SLC30A7: variants seen among roughly 807,000 people sequenced by gnomAD.
SLC30A7 encodes the protein zinc transporter 7.
SLC30A7 carries 35 observed loss-of-function variants against 46.0 expected under a neutral mutation model. That is an observed-to-expected ratio of 0.76 (90% CI 0.58 to 1.01). The LOEUF (loss-of-function observed/expected upper bound fraction) is 1.01. Among genes scored for constraint, SLC30A7 ranks in the 50% least tolerant of loss-of-function variants. The probability of loss-of-function intolerance (pLI) is 0.00; values close to 1 mark genes in which losing one functional copy is unlikely to be tolerated. For missense variants in SLC30A7, 464 were observed against 451.1 expected, an observed-to-expected ratio of 1.03 and a Z score of -0.26; for synonymous variants, 147 against 157.8, an observed-to-expected ratio of 0.93 and a Z score of 0.51.
intron 8 of SLC30A7, among the ~76,000 whole-genome samples, chr1:100,924,255 C>G (rs1488952686): frequency 5.3e-5 from 8 of 152,192 alleles, no homozygotes; most frequent in Non-Finnish European, 1.0e-4. Flanking sequence ...TTTGGTCTCT[C>G]TCAGTACTTC....
rs373570424 is a variant in SLC30A7 at position 100,896,333 on chromosome 1, G to A, written c.71G>A (p.Gly24Asp). 3.0e-5 allele frequency: 48 copies of A among 1,614,052 alleles called. No homozygotes were observed. In the South Asian group the frequency reaches 4.1e-4, roughly 14 times the overall value. ...TTCAATTTGTTCGGCAAGATCTCGG[G>A]CTGGTTTAGGTGCGGGGTGCTGTGT... is the stretch of plus-strand genomic sequence containing the variant. Reference protein sequence around the residue: ...PKFNLFGKISGWFRSILSDKT... With the variant: ...PKFNLFGKISDWFRSILSDKT... The change falls in exon 1 of 11, where the codon GGC becomes GAC. Residue 24 changes from glycine (G) to aspartate (D), a missense_variant. Coordinates refer to ENST00000357650, the MANE Select transcript of SLC30A7 (RefSeq NM_133496.5).
At chr1:100,965,946 AG>A in intron 10 of SLC30A7, 28 bp downstream of exon 10, 13 of 1,581,000 alleles carry the variant, frequency 8.2e-6, no homozygotes, top group Non-Finnish European at 1.0e-5. Context: ...ACTTCTTTTA[AG>A]GGCCTTAACA....
chr1:100,993,815 C>T, the SLC30A7 span, among the ~76,000 whole-genome samples: 1 of 151,316 alleles, frequency 6.6e-6, no homozygotes, highest in Admixed American at 6.6e-5. Flanking sequence ...GATATTGGTT[C>T]ACTGCAACCT....
chr1:100,925,903 T>TATTC (rs892720955), intron 8 of SLC30A7, among the ~76,000 whole-genome samples: 34 of 152,288 alleles, frequency 2.2e-4, no homozygotes, highest in African/African-American at 7.7e-4. Flanking sequence ...GAGTGGTTGG[T>TATTC]ATTCATCTGG....
chr1:100,993,566 A>ATATATATATATATATATATATATG, the SLC30A7 span, among the ~76,000 whole-genome samples: 1 of 71,232 alleles, frequency 1.4e-5, no homozygotes, highest in Admixed American at 1.3e-4. Flanking sequence ...ATAAATATAT[A>ATATATATATATATATATATATATG]TATATATATA....
chr1:100,941,930 A>G (rs899798279), intron 8 of SLC30A7: 7 of 293,208 alleles, frequency 2.4e-5, no homozygotes, highest in Non-Finnish European at 4.6e-5. Flanking sequence ...TTCAAAGCCA[A>G]CCCTCCAATG....
chr1:100,956,905 T>G (rs891685582), intron 8 of SLC30A7, among the ~76,000 whole-genome samples: 3 of 152,246 alleles, frequency 2.0e-5, no homozygotes, highest in African/African-American at 7.2e-5. Context: ...ATATGTGCCT[T>G]CTTCTAAATG....
At chr1:100,900,099 C>G (rs1051531335) in intron 2 of SLC30A7, among the ~76,000 whole-genome samples, 3 of 152,164 alleles carry the variant, frequency 2.0e-5, no homozygotes, top group Admixed American at 6.5e-5. Context: ...AAGTGAGCAG[C>G]AGAGCCTACA....
intron 8 of SLC30A7, among the ~76,000 whole-genome samples, chr1:100,935,493 A>G (rs1653913095): frequency 6.6e-6 from 1 of 152,236 alleles, no homozygotes; most frequent in Non-Finnish European, 1.5e-5. Flanking sequence ...GAATGGAGCT[A>G]TAGTGATAGA....
intron 2 of SLC30A7, among the ~76,000 whole-genome samples, chr1:100,905,114 A>G (rs1402585629): frequency 1.3e-5 from 2 of 152,002 alleles, no homozygotes; most frequent in Non-Finnish European, 2.9e-5. Context: ...CATGTATCTG[A>G]TAAGAACCTT....
intron 8 of SLC30A7, among the ~76,000 whole-genome samples, chr1:100,936,336 C>T (rs1186717253): frequency 2.0e-5 from 3 of 152,128 alleles, no homozygotes; most frequent in African/African-American, 7.2e-5. Flanking sequence ...TTCTAAACAT[C>T]TTTCAGAAAG....
chr1:100,995,062 G>C, the SLC30A7 span: 2 of 1,344,350 alleles, frequency 1.5e-6, no homozygotes, highest in African/African-American at 1.4e-5. Context: ...GTATTGAATT[G>C]TTCAAGGAAA....
At chr1:100,951,814 C>T (rs774524367) in intron 8 of SLC30A7, among the ~76,000 whole-genome samples, 7 of 152,306 alleles carry the variant, frequency 4.6e-5, no homozygotes, top group Non-Finnish European at 1.0e-4. Context: ...CAAAGATGGC[C>T]AAGTCCTAAT....
At chr1:100,920,944 G>C (rs1415037135) in intron 7 of SLC30A7, among the ~76,000 whole-genome samples, 1 of 151,988 alleles carries the variant, frequency 6.6e-6, no homozygotes, top group Non-Finnish European at 1.5e-5. Context: ...TGTCTCAGTT[G>C]AGTTTTTTCA....
chr1:100,970,791 A>G (rs1011794898), intron 10 of SLC30A7, among the ~76,000 whole-genome samples: 6 of 152,008 alleles, frequency 3.9e-5, no homozygotes, highest in Admixed American at 3.9e-4. Flanking sequence ...CTTCACAATC[A>G]TAACTGTAAT....
chr1:100,912,143 A>G lies in SLC30A7; in HGVS notation c.416A>G (p.Glu139Gly), dbSNP rs751161156. The G allele has an allele frequency of 1.2e-6, 2 of 1,613,770 alleles. No homozygotes were observed. ...TTAGCCCCTCCAGATGTCCACCATGAGAGACTGCTTCTTGTTTCCATTCTT... is the reference window on the plus strand; with the variant it reads ...TTAGCCCCTCCAGATGTCCACCATGGGAGACTGCTTCTTGTTTCCATTCTT... ...RALAPPDVHH[E>G]RLLLVSILGF... Residue 139 changes from glutamate to glycine, a missense_variant, in exon 5 of 11, where the codon GAG becomes GGG. By Grantham distance (98) the Glu-to-Gly change is moderately conservative. Coordinates refer to ENST00000357650, the MANE Select transcript of SLC30A7 (RefSeq NM_133496.5).
rs895332253 is a variant in SLC30A7, at chr1:100,896,144, C to A, written c.-119C>A. The A allele has an allele frequency of 1.3e-5, 11 of 847,928 alleles. No individual in the cohort carries two copies. Among genetic ancestry groups the A allele is most frequent in the African/African-American group, 1.7e-5 (1 of 60,510 alleles). 52.5% of individuals were successfully genotyped at this position (847,928 alleles called of 1,614,324 possible). On this transcript the variant is annotated 5_prime_UTR_variant, in exon 1 of 11. Coordinates refer to ENST00000357650, the MANE Select transcript of SLC30A7 (RefSeq NM_133496.5). ...TGTGTCTGTCTGTGTCTCGCAGCGG[C>A]GCGCGGCCCCGGACAAGCGCTGGGG... is the stretch of plus-strand genomic sequence containing the variant.
intron 8 of SLC30A7, among the ~76,000 whole-genome samples, chr1:100,938,264 A>T (rs1481444937): frequency 6.6e-6 from 1 of 152,190 alleles, no homozygotes; most frequent in Non-Finnish European, 1.5e-5. Context: ...CTAGAAAAAA[A>T]TGTCACTGGG....
intron 3 of SLC30A7, 143 bp from the exon 4 acceptor site, chr1:100,910,920 T>C (rs1462338196): frequency 5.8e-6 from 3 of 520,122 alleles, no homozygotes; most frequent in African/African-American, 2.0e-5. Flanking sequence ...TAAAATAAAA[T>C]GCACTGTACT....
Sources: gnomAD v4.1 joint callset for allele counts (sites outside exome capture counted in the v4.1 genomes callset) on GRCh38, gnomAD v4.1.1 for gene constraint, MANE v1.5 for transcripts, NCBI Gene and HGNC (gene_info 2026-07-23, HGNC 2026-07-21) for gene names.